Variants in UBAP1 observed in about 807,000 individuals in gnomAD.
UBAP1 encodes the protein ubiquitin associated protein 1, also known as ubiquitin-associated protein 1.
In UBAP1, 5 loss-of-function variants were observed where a neutral mutation model predicts 39.0. The observed-to-expected ratio is 0.13, with a 90% CI of 0.07 to 0.27. UBAP1 has a LOEUF of 0.27. UBAP1 is among the 10% of genes least tolerant of loss of function. The probability of loss-of-function intolerance (pLI) is 1.00; values close to 1 mark genes in which losing one functional copy is unlikely to be tolerated. For synonymous variants in UBAP1, 211 were observed against 225.1 expected, an observed-to-expected ratio of 0.94 and a Z score of 0.56; for missense variants, 490 against 608.1, an observed-to-expected ratio of 0.81 and a Z score of 2.04.
chr9:34,182,694 T>A (rs1830154757), intron 1 of UBAP1, among the ~76,000 whole-genome samples: 1 of 127,034 alleles, frequency 7.9e-6, no homozygotes, highest in African/African-American at 2.8e-5. Context: ...TCTCTCTCTT[T>A]CTTTTCTTTT....
intron 2 of UBAP1, among the ~76,000 whole-genome samples, chr9:34,228,655 C>T (rs1171434301): frequency 4.7e-5 from 7 of 150,190 alleles, no homozygotes; most frequent in African/African-American, 4.9e-5. Context: ...CTGCCGCCTC[C>T]GCCTCCTGGG....
chr9:34,231,920 T>C (rs1049599901), intron 2 of UBAP1, among the ~76,000 whole-genome samples: 1 of 152,162 alleles, frequency 6.6e-6, no homozygotes, highest in Non-Finnish European at 1.5e-5. Flanking sequence ...CGTGAGCCAC[T>C]GTGCCCGGCC....
intron 3 of UBAP1, among the ~76,000 whole-genome samples, chr9:34,235,131 AAG>A (rs1474435565): frequency 1.3e-5 from 2 of 152,160 alleles, no homozygotes. Context: ...CTTATAGAAT[AAG>A]AGTATAAAGA....
At chr9:34,237,365 C>T (rs1833755179) in intron 3 of UBAP1, among the ~76,000 whole-genome samples, 1 of 152,074 alleles carries the variant, frequency 6.6e-6, no homozygotes, top group African/African-American at 2.4e-5. Context: ...AAAAATGCAG[C>T]TTTCAGGAAA....
At position 34,238,004 on chromosome 9, in the gene UBAP1, C is replaced by G. The variant is rs1004333796; in HGVS notation, c.160-3181C>G. Among the ~76,000 whole-genome samples the G allele has an allele frequency of 4.6e-5, 7 of 152,238 alleles. No homozygotes were observed. The South Asian group carries it at 1.4e-3, about 32-fold the overall frequency. On this transcript the variant is annotated intron_variant, in intron 3 of 6. Transcript: ENST00000297661. Reference sequence around the variant, plus strand: ...GAAACCCAGTGTCCACTAGAAGTCACTCCCCACAGCCTCTGGCAGCCTCCT... The same window carrying G: ...GAAACCCAGTGTCCACTAGAAGTCAGTCCCCACAGCCTCTGGCAGCCTCCT...
In UBAP1 at chr9:34,241,763, G is replaced by A. The variant is rs1288304531; in HGVS notation, c.738G>A (p.Met246Ile). 2 of 1,614,070 alleles carry A rather than the reference G, an allele frequency of 1.2e-6. No individual in the cohort carries two copies. Among genetic ancestry groups the A allele is most frequent in the South Asian group, 2.2e-5 (2 of 91,076 alleles). Residue 246 changes from methionine to isoleucine, a missense_variant, in exon 4 of 7, where the codon ATG (methionine) becomes ATA (isoleucine). Transcript: ENST00000297661. ...TLPQLGNCEK[M>I]SLSSKVSLPP... ...CACAGTTGGGCAACTGTGAAAAGAT[G>A]TCACTGTCTTCCAAAGTGTCCCTCC...
intron 3 of UBAP1, among the ~76,000 whole-genome samples, chr9:34,237,897 G>A (rs1231184421): frequency 1.3e-5 from 2 of 152,152 alleles, no homozygotes; most frequent in Non-Finnish European, 2.9e-5. Context: ...TATACATACA[G>A]TTCAGTGATT....
intron 4 of UBAP1, among the ~76,000 whole-genome samples, chr9:34,247,008 T>C (rs1382743500): frequency 6.6e-6 from 1 of 152,262 alleles, no homozygotes; most frequent in African/African-American, 2.4e-5. Context: ...AATTTTACTA[T>C]TCTTTTATTG....
chr9:34,208,571 A>G (rs1044220966), intron 1 of UBAP1, among the ~76,000 whole-genome samples: 1 of 151,884 alleles, frequency 6.6e-6, no homozygotes. Flanking sequence ...AGGTCAGGAG[A>G]TTGAGACCAT....
chr9:34,201,653 G>T (rs1831377433), intron 1 of UBAP1: 2 of 152,214 alleles, frequency 1.3e-5, no homozygotes, highest in Middle Eastern at 3.4e-3. Flanking sequence ...CACAGAAAAA[G>T]AATTCTGTGG....
rs576863810 is a variant in UBAP1 at position 34,250,837 on chromosome 9, C to T, written c.1368+78C>T. On this transcript the variant is annotated intron_variant, in intron 6 of 6. Coordinates refer to ENST00000297661, the MANE Select transcript of UBAP1 (RefSeq NM_016525.5). Reference sequence around the variant, plus strand: ...TCCATCCTGGTTTTCTCCCTTGGCCCACACACAACCTTTTTGCTTTGCCAG... The same window carrying T: ...TCCATCCTGGTTTTCTCCCTTGGCCTACACACAACCTTTTTGCTTTGCCAG... The T allele has an allele frequency of 4.7e-5, 57 of 1,222,114 alleles. No individual in the cohort carries two copies. The African/African-American group carries it at 5.5e-4, about 12-fold the overall frequency. The allele number at this position is 1,222,114 out of a possible 1,614,324, so 75.7% of individuals were successfully genotyped here. A position where few individuals can be genotyped will look rare whatever the true frequency, so the allele number is the denominator to read the frequency against.
chr9:34,208,777 CA>C (rs58813667), intron 1 of UBAP1, among the ~76,000 whole-genome samples: 80,928 of 115,342 alleles, frequency 0.7, 27,969 homozygotes, highest in Middle Eastern at 0.78. Context: ...GACTCTGTCT[CA>C]AAAAAAAAAA....
Position 34,249,865 on chromosome 9 carries a change from C to T in UBAP1, c.1170C>T (p.Pro390=), listed in dbSNP as rs1834378401. 1 of 1,614,222 alleles carries T rather than the reference C, an allele frequency of 6.2e-7. No homozygotes were observed. Among genetic ancestry groups the T allele is most frequent in the Admixed American group, 1.7e-5 (1 of 60,022 alleles). Reference sequence around the variant, plus strand: ...ATTCTGAACTGCAGATGCTGTCCCCCAGCGAGCGGCAGTGTGTGGAGACGG... The same window carrying T: ...ATTCTGAACTGCAGATGCTGTCCCCTAGCGAGCGGCAGTGTGTGGAGACGG... ...QAYSELQMLS[P]SERQCVETVV... The change falls in exon 5 of 7, where the codon CCC becomes CCT. Residue 390 remains proline, a synonymous_variant. Transcript: ENST00000297661.
At chr9:34,183,609 A>G (rs1830213316) in intron 1 of UBAP1, among the ~76,000 whole-genome samples, 1 of 151,878 alleles carries the variant, frequency 6.6e-6, no homozygotes, top group African/African-American at 2.4e-5. Context: ...AAAAAAAGAA[A>G]AAAACTCAAG....
chr9:34,186,952 T>TGCGGGAGTGCAATG (rs1337248462), intron 1 of UBAP1, among the ~76,000 whole-genome samples: 1 of 152,072 alleles, frequency 6.6e-6, no homozygotes. Context: ...TTGTTGCCCA[T>TGCGGGAGTGCAATG]GCGGGAGTGC....
intron 2 of UBAP1, among the ~76,000 whole-genome samples, chr9:34,226,133 G>GTGTGTT (rs1554650853): frequency 0.034 from 4,907 of 143,270 alleles, 236 homozygotes; most frequent in East Asian, 0.18. Context: ...GTGTGTGTGT[G>GTGTGTT]TGTGTGTGTG....
At chr9:34,218,250 C>CAAAA (rs758443973) in intron 1 of UBAP1, among the ~76,000 whole-genome samples, 16 of 49,518 alleles carry the variant, frequency 3.2e-4, no homozygotes, top group Admixed American at 6.0e-4. Context: ...GACTCCATCT[C>CAAAA]AAAAAAAAAA....
intron 1 of UBAP1, among the ~76,000 whole-genome samples, chr9:34,219,224 G>A (rs931061249): frequency 5.9e-5 from 9 of 152,022 alleles, no homozygotes; most frequent in Admixed American, 5.9e-4. Context: ...GAGTAGCAGG[G>A]ACTACAGGCA....
At chr9:34,189,983 T>C (rs1587790971) in intron 1 of UBAP1, among the ~76,000 whole-genome samples, 2 of 152,158 alleles carry the variant, frequency 1.3e-5, no homozygotes, top group South Asian at 2.1e-4. Context: ...TTCCGAGATA[T>C]TCTAGCCAAA....
Sources: gnomAD v4.1 joint callset for allele counts (sites outside exome capture counted in the v4.1 genomes callset) on GRCh38, gnomAD v4.1.1 for gene constraint, MANE v1.5 for transcripts, NCBI Gene and HGNC (gene_info 2026-07-23, HGNC 2026-07-21) for gene names.